The following SNX29 variants were observed in gnomAD, a reference collection of about 807,000 sequenced individuals.
SNX29 encodes the protein sorting nexin 29.
In SNX29, 78 loss-of-function variants were observed where a neutral mutation model predicts 102.1. That is an observed-to-expected ratio of 0.76 (90% CI 0.64 to 0.92). SNX29 has a LOEUF of 0.92. SNX29 is among the 40% of genes least tolerant of loss of function. The pLI is 0.00. For synonymous variants in SNX29, 580 were observed against 414.5 expected, an observed-to-expected ratio of 1.40 and a Z score of -4.85; for missense variants, 1,280 against 1,061.7, an observed-to-expected ratio of 1.21 and a Z score of -2.86.
intron 5 of SNX29, among the ~76,000 whole-genome samples, chr16:12,045,966 G>C (rs1486974525): frequency 6.6e-6 from 1 of 152,058 alleles, no homozygotes; most frequent in Non-Finnish European, 1.5e-5. Context: ...TGAAGCCGTA[G>C]AGGCTCTGTA....
intron 1 of SNX29, among the ~76,000 whole-genome samples, chr16:11,992,164 C>T (rs2055878568): frequency 6.6e-6 from 1 of 152,050 alleles, no homozygotes; most frequent in South Asian, 2.1e-4. Context: ...TGTGGTGGTG[C>T]ATGCCTGTAG....
At chr16:12,012,439 G>A (rs2056685062) in intron 3 of SNX29, among the ~76,000 whole-genome samples, 1 of 152,106 alleles carries the variant, frequency 6.6e-6, no homozygotes, top group African/African-American at 2.4e-5. Flanking sequence ...ACAGAGTTTT[G>A]CTTTTGTTGT....
intron 13 of SNX29, among the ~76,000 whole-genome samples, chr16:12,154,137 C>A (rs1268525900): frequency 6.6e-6 from 1 of 152,064 alleles, no homozygotes; most frequent in East Asian, 1.9e-4. Flanking sequence ...TTTCCTTCTC[C>A]CTCCCCACCG....
At chr16:12,453,419 C>T (rs1459216736) in intron 18 of SNX29, among the ~76,000 whole-genome samples, 1 of 152,156 alleles carries the variant, frequency 6.6e-6, no homozygotes, top group South Asian at 2.1e-4. Flanking sequence ...TCATATAACC[C>T]CAATTTATTT....
At chr16:11,993,203 G>T (rs920001011) in intron 1 of SNX29, among the ~76,000 whole-genome samples, 4 of 139,400 alleles carry the variant, frequency 2.9e-5, no homozygotes, top group African/African-American at 1.0e-4. Context: ...ATAAATATCT[G>T]TGTGGCCTTG....
chr16:12,328,770 A>G (rs900719409), intron 15 of SNX29, among the ~76,000 whole-genome samples: 1 of 151,878 alleles, frequency 6.6e-6, no homozygotes, highest in Admixed American at 6.5e-5. Flanking sequence ...CTTTTTTTTC[A>G]TTATTGCCAC....
chr16:12,154,286 G>A (rs1294774304), intron 13 of SNX29, among the ~76,000 whole-genome samples: 1 of 152,178 alleles, frequency 6.6e-6, no homozygotes, highest in Non-Finnish European at 1.5e-5. Context: ...ATTTTTAGAG[G>A]TGAAAACTGC....
chr16:12,446,705 A>C (rs552389000), intron 18 of SNX29, among the ~76,000 whole-genome samples: 1 of 152,324 alleles, frequency 6.6e-6, no homozygotes, highest in Admixed American at 6.5e-5. Flanking sequence ...TATACTCAAC[A>C]CTTAACATGG....
chr16:12,437,415 G>A (rs1205346219), intron 18 of SNX29, among the ~76,000 whole-genome samples: 1 of 152,234 alleles, frequency 6.6e-6, no homozygotes, highest in African/African-American at 2.4e-5. Flanking sequence ...TGGCTGTGAG[G>A]CAATGGGTCA....
chr16:12,559,588 C>T (rs375888346), intron 20 of SNX29, among the ~76,000 whole-genome samples: 19 of 151,932 alleles, frequency 1.3e-4, no homozygotes, highest in South Asian at 2.1e-4. Flanking sequence ...TCCCTGGTGC[C>T]AAAAAGGTTG....
intron 14 of SNX29, among the ~76,000 whole-genome samples, chr16:12,263,523 TTA>T (rs1376425841): frequency 6.6e-6 from 1 of 152,196 alleles, no homozygotes; most frequent in Non-Finnish European, 1.5e-5. Context: ...TGGTTGGGAT[TTA>T]TACTCTATCC....
At chr16:12,248,248 T>A (rs907207461) in intron 14 of SNX29, among the ~76,000 whole-genome samples, 1 of 152,190 alleles carries the variant, frequency 6.6e-6, no homozygotes, top group Non-Finnish European at 1.5e-5. Flanking sequence ...AGCCCTGGCC[T>A]CTTCCTCCTC....
chr16:12,556,874 AT>A (rs1399443305), intron 20 of SNX29, among the ~76,000 whole-genome samples: 1 of 151,248 alleles, frequency 6.6e-6, no homozygotes, highest in Non-Finnish European at 1.5e-5. Context: ...TTTTTTTGAG[AT>A]AGGGTCTCCG....
At chr16:12,069,016 G>A in intron 9 of SNX29, 41 bp from the exon 10 acceptor site, 1 of 1,587,746 alleles carries the variant, frequency 6.3e-7, no homozygotes, top group South Asian at 1.1e-5. Context: ...AACATGTAGT[G>A]AGAAAAGTGA....
intron 19 of SNX29, among the ~76,000 whole-genome samples, chr16:12,513,668 T>G (rs557537068): frequency 1.3e-5 from 2 of 152,176 alleles, no homozygotes; most frequent in African/African-American, 2.4e-5. Flanking sequence ...TCATGAATAT[T>G]TGGGGCCAAG....
In SNX29 at chr16:12,568,504, A is replaced by C. The variant is rs1195696556; in HGVS notation, c.2319-2A>C. 1 of 1,609,530 alleles carries C rather than the reference A, an allele frequency of 6.2e-7. No homozygotes were observed. The highest frequency in any genetic ancestry group is 1.7e-5 in the Admixed American group (1 of 59,998). ...AACCCGATTCTCTCCCTGCTCTTTCAGCGACATCACCCCGCCCGGAGAGCC... is the reference window on the plus strand; with the variant it reads ...AACCCGATTCTCTCCCTGCTCTTTCCGCGACATCACCCCGCCCGGAGAGCC... On this transcript the variant is annotated splice_acceptor_variant, in intron 20 of 20. Transcript: ENST00000566228. LOFTEE classifies it high-confidence loss of function.
At chr16:12,279,363 G>T (rs1370401735) in intron 15 of SNX29, among the ~76,000 whole-genome samples, 1 of 151,982 alleles carries the variant, frequency 6.6e-6, no homozygotes, top group African/African-American at 2.4e-5. Flanking sequence ...AAGGAAGGTG[G>T]CTTTAGAAAC....
At chr16:12,559,213 CTGTATTTACAGCCACTCCCCAT>C (rs1258371948) in intron 20 of SNX29, among the ~76,000 whole-genome samples, 1 of 152,076 alleles carries the variant, frequency 6.6e-6, no homozygotes, top group East Asian at 1.9e-4. Context: ...AGCGCTTCGT[CTGTATTTACAGCCACTCCCCAT>C]CACTCGCATC....
intron 18 of SNX29, among the ~76,000 whole-genome samples, chr16:12,461,749 A>C (rs1210309719): frequency 1.3e-5 from 2 of 151,212 alleles, no homozygotes; most frequent in African/African-American, 4.9e-5. Flanking sequence ...TTGAGGTCGG[A>C]AGTTCAAGAC....
Sources: allele counts gnomAD v4.1 joint callset (sites outside exome capture counted in the v4.1 genomes callset), GRCh38; gene constraint gnomAD v4.1.1; transcripts MANE v1.5; gene names NCBI Gene and HGNC (gene_info 2026-07-23, HGNC 2026-07-21).